Variants in WDR70 observed in about 807,000 individuals in gnomAD.
WDR70 encodes WD repeat-containing protein 70.
Under a neutral mutation model 88.6 loss-of-function variants are expected in WDR70, and 53 were observed. The ratio of observed to expected loss-of-function variants is 0.60; its 90% CI spans 0.48 to 0.75. The LOEUF (loss-of-function observed/expected upper bound fraction) is 0.75. WDR70 is among the 30% of genes least tolerant of loss of function. The probability of loss-of-function intolerance (pLI) is 0.00; values close to 1 mark genes in which losing one functional copy is unlikely to be tolerated. For missense variants in WDR70, 610 were observed against 823.2 expected (o/e 0.74, Z 3.17); for synonymous variants, 280 against 270.0 (o/e 1.04, Z -0.36).
rs980797970 is a variant in WDR70, at chr5:37,506,161, A to T, written c.841-10353A>T. 28 of 1,046,378 alleles carry T rather than the reference A, an allele frequency of 2.7e-5. No individual in the cohort carries two copies. The African/African-American group carries it at 4.2e-4, about 16-fold the overall frequency. The allele number at this position is 1,046,378 out of a possible 1,614,324, so 64.8% of individuals were successfully genotyped here. ...TTGAAGTTAATGTATCGAAGGTCCT[A>T]ACGAGAAACATCAGCACCACTGAAG... On this transcript the variant is annotated intron_variant, in intron 8 of 17. Transcript: ENST00000265107.
At chr5:37,564,801 T>C (rs1364370548) in intron 9 of WDR70, among the ~76,000 whole-genome samples, 1 of 152,256 alleles carries the variant, frequency 6.6e-6, no homozygotes, top group East Asian at 1.9e-4. Context: ...GTTATCCATT[T>C]ATACTGTTAG....
chr5:37,441,390 T>C (rs10072490), intron 6 of WDR70, among the ~76,000 whole-genome samples: 2,967 of 152,292 alleles, frequency 0.019, 87 homozygotes, highest in African/African-American at 0.067. Flanking sequence ...TCCCTTATAT[T>C]ATGAAATCGG....
intron 10 of WDR70, among the ~76,000 whole-genome samples, chr5:37,658,431 A>G (rs1469360433): frequency 6.6e-6 from 1 of 152,268 alleles, no homozygotes; most frequent in East Asian, 1.9e-4. Context: ...GTCTTTTCTA[A>G]ACATAGTATG....
At chr5:37,465,922 A>G (rs1459869405) in intron 7 of WDR70, among the ~76,000 whole-genome samples, 1 of 151,752 alleles carries the variant, frequency 6.6e-6, no homozygotes, top group Non-Finnish European at 1.5e-5. Context: ...TTTTTGTAAT[A>G]ATCTCTATTT....
intron 17 of WDR70, 98 bp downstream of exon 17, chr5:37,727,143 T>A: frequency 7.0e-7 from 1 of 1,423,598 alleles, no homozygotes. Context: ...CTCTATTTCT[T>A]ATTTCATACT....
At chr5:37,419,335 A>G (rs1468338263) in intron 5 of WDR70, among the ~76,000 whole-genome samples, 1 of 150,878 alleles carries the variant, frequency 6.6e-6, no homozygotes, top group East Asian at 2.0e-4. Flanking sequence ...CCTCCTGAGT[A>G]GCTGGGTTTA....
At chr5:37,713,264 T>C (rs553994965) in intron 13 of WDR70, among the ~76,000 whole-genome samples, 17 of 152,306 alleles carry the variant, frequency 1.1e-4, no homozygotes, top group African/African-American at 3.8e-4. Context: ...AAAGGAGGGC[T>C]TATCCAGTTT....
At chr5:37,427,889 T>G (rs1750183552) in intron 5 of WDR70, among the ~76,000 whole-genome samples, 1 of 151,982 alleles carries the variant, frequency 6.6e-6, no homozygotes, top group African/African-American at 2.4e-5. Flanking sequence ...AAAGATACAT[T>G]TCCGAGCTTT....
At chr5:37,568,249 A>G (rs1265663162) in intron 9 of WDR70, among the ~76,000 whole-genome samples, 1 of 152,094 alleles carries the variant, frequency 6.6e-6, no homozygotes, top group Non-Finnish European at 1.5e-5. Context: ...GTGTGTGGGA[A>G]GTGTTTGGCA....
chr5:37,551,563 A>G (rs897996559), intron 9 of WDR70, among the ~76,000 whole-genome samples: 2 of 151,490 alleles, frequency 1.3e-5, no homozygotes, highest in African/African-American at 2.4e-5. Flanking sequence ...CCCTGTCTCT[A>G]CTAAAAATAC....
At chr5:37,511,461 A>G (rs917971832) in intron 8 of WDR70, among the ~76,000 whole-genome samples, 2 of 152,142 alleles carry the variant, frequency 1.3e-5, no homozygotes, top group Middle Eastern at 3.4e-3. Flanking sequence ...TAATACAACA[A>G]AATGTTCCAC....
At chr5:37,696,229 A>G (rs1215011252) in intron 10 of WDR70, among the ~76,000 whole-genome samples, 1 of 152,210 alleles carries the variant, frequency 6.6e-6, no homozygotes, top group Non-Finnish European at 1.5e-5. Flanking sequence ...CTTTGTATCC[A>G]TGAAAGATGG....
intron 5 of WDR70, among the ~76,000 whole-genome samples, chr5:37,437,366 G>C (rs1750499476): frequency 6.6e-6 from 1 of 152,110 alleles, no homozygotes; most frequent in African/African-American, 2.4e-5. Context: ...TTTAAGGTAT[G>C]CCCCAGAATA....
intron 9 of WDR70, among the ~76,000 whole-genome samples, chr5:37,597,684 G>C (rs550645471): frequency 1.3e-5 from 2 of 152,264 alleles, no homozygotes; most frequent in Middle Eastern, 3.4e-3. Context: ...GCACTTGCCT[G>C]CTCCTTTTCT....
chr5:37,492,589 G>A (rs188284304), intron 8 of WDR70, among the ~76,000 whole-genome samples: 3 of 152,282 alleles, frequency 2.0e-5, no homozygotes, highest in Admixed American at 2.0e-4. Flanking sequence ...CTGGCAAAAG[G>A]TATTCTAAGT....
At chr5:37,549,868 C>CTT (rs112467824) in intron 9 of WDR70, among the ~76,000 whole-genome samples, 2 of 141,668 alleles carry the variant, frequency 1.4e-5, no homozygotes, top group Admixed American at 7.1e-5. Flanking sequence ...TTTTTTTTTG[C>CTT]TTTTTTTTTT....
chr5:37,468,417 G>A (rs1403004705), intron 7 of WDR70, among the ~76,000 whole-genome samples: 2 of 152,026 alleles, frequency 1.3e-5, no homozygotes, highest in African/African-American at 4.8e-5. Context: ...ACCACATGGA[G>A]ATAATTACAG....
chr5:37,593,683 T>C (rs1216051878), intron 9 of WDR70, among the ~76,000 whole-genome samples: 2 of 152,202 alleles, frequency 1.3e-5, no homozygotes, highest in African/African-American at 4.8e-5. Context: ...GATCACTGGG[T>C]CAAATGGTAT....
At chr5:37,498,118 G>A (rs551157016) in intron 8 of WDR70, among the ~76,000 whole-genome samples, 14 of 152,134 alleles carry the variant, frequency 9.2e-5, no homozygotes, top group East Asian at 1.9e-4. Context: ...CACTGCACCC[G>A]GCTGGTTGCA....
Sources: allele counts gnomAD v4.1 joint callset (sites outside exome capture counted in the v4.1 genomes callset), GRCh38; gene constraint gnomAD v4.1.1; transcripts MANE v1.5; gene names NCBI Gene and HGNC (gene_info 2026-07-23, HGNC 2026-07-21).